NCOA2: variants seen among roughly 807,000 people sequenced by gnomAD.
NCOA2 encodes class E basic helix-loop-helix protein 75.
Under a neutral mutation model 145.1 loss-of-function variants are expected in NCOA2, and 21 were observed. The observed-to-expected ratio is 0.14, with a 90% CI of 0.10 to 0.21. The LOEUF is 0.21. NCOA2 is among the 10% of genes least tolerant of loss of function. NCOA2 has a pLI of 1.00. For synonymous variants in NCOA2, 619 were observed against 637.5 expected (o/e 0.97, Z 0.44); for missense variants, 1,472 against 1,837.6 (o/e 0.80, Z 3.64).
At chr8:70,414,512 C>T in the NCOA2 span, among the ~76,000 whole-genome samples, 1 of 152,192 alleles carries the variant, frequency 6.6e-6, no homozygotes, top group Non-Finnish European at 1.5e-5. Context: ...GACAGAGCAA[C>T]CACATTACCC....
intron 15 of NCOA2, among the ~76,000 whole-genome samples, chr8:70,134,444 A>AT (rs1809507285): frequency 6.6e-6 from 1 of 152,164 alleles, no homozygotes; most frequent in Admixed American, 6.5e-5. Flanking sequence ...GCATTAAAGG[A>AT]TTTTCTTTAC....
chr8:70,306,143 T>A (rs555271918), intron 1 of NCOA2, among the ~76,000 whole-genome samples: 7 of 152,158 alleles, frequency 4.6e-5, no homozygotes, highest in Non-Finnish European at 7.4e-5. Flanking sequence ...CTGGATCCTA[T>A]GGCAACAGTA....
chr8:70,170,037 T>C (rs1328765025), intron 6 of NCOA2, among the ~76,000 whole-genome samples, 165 bp downstream of exon 6: 1 of 152,100 alleles, frequency 6.6e-6, no homozygotes, highest in African/African-American at 2.4e-5. Flanking sequence ...TCCATGACTT[T>C]TAAGCTTAAA....
chr8:70,334,597 G>A (rs1353273075), intron 1 of NCOA2, among the ~76,000 whole-genome samples: 1 of 152,166 alleles, frequency 6.6e-6, no homozygotes, highest in Non-Finnish European at 1.5e-5. Context: ...ATTAGAGCAT[G>A]AAATTCTAAG....
chr8:70,156,172 T>A lies in NCOA2; in HGVS notation c.2193A>T (p.Lys731Asn). ...TCTTCTTGGGGCTCACCGGCTCTTG[T>A]TTAATAGTCACTTCTGATCCAGGAG... ...STAPGSEVTI[K>N]QEPVSPKKKE... Residue 731 changes from lysine to asparagine, a missense_variant, in exon 11 of 23, where the codon AAA (lysine) becomes AAT (asparagine). Lys to Asn is a moderately conservative substitution (Grantham distance 94). This residue lies in a region of NCOA2 where 953 missense variants were observed against 1,062.1 expected (regional missense o/e 0.90). Coordinates refer to ENST00000452400, the MANE Select transcript of NCOA2 (RefSeq NM_006540.4). 1 of 1,613,870 alleles carries A rather than the reference T, an allele frequency of 6.2e-7. No individual in the cohort carries two copies. Among genetic ancestry groups the A allele is most frequent in the Non-Finnish European group, 8.5e-7 (1 of 1,179,852 alleles).
intron 2 of NCOA2, among the ~76,000 whole-genome samples, chr8:70,221,454 T>C (rs1820127518): frequency 6.6e-6 from 1 of 152,122 alleles, no homozygotes. Context: ...AAAAGCAAAA[T>C]TTCTGGGCCA....
chr8:70,273,487 T>TA (rs1161979306), intron 2 of NCOA2: 2 of 642,018 alleles, frequency 3.1e-6, no homozygotes, highest in African/African-American at 1.8e-5. Flanking sequence ...CAGCAAATGA[T>TA]AAAAAACGTC....
At chr8:70,383,229 C>A (rs16936968) in intron 1 of NCOA2, among the ~76,000 whole-genome samples, 15,933 of 152,044 alleles carry the variant, frequency 0.1, 1,270 homozygotes, top group East Asian at 0.4. Context: ...GTGTTATCGC[C>A]TGTGTGAATG....
At chr8:70,201,940 G>C (rs747392323) in intron 4 of NCOA2, among the ~76,000 whole-genome samples, 1 of 151,978 alleles carries the variant, frequency 6.6e-6, no homozygotes, top group South Asian at 2.1e-4. Context: ...GAATCTCCCC[G>C]CTCCCATTTT....
At chr8:70,295,968 TAATA>T (rs923401909) in intron 2 of NCOA2, among the ~76,000 whole-genome samples, 1 of 152,152 alleles carries the variant, frequency 6.6e-6, no homozygotes, top group African/African-American at 2.4e-5. Context: ...GAAATAAGCT[TAATA>T]AACTATTTCT....
chr8:70,128,142 A>G (rs986407053), intron 18 of NCOA2, among the ~76,000 whole-genome samples: 1 of 152,216 alleles, frequency 6.6e-6, no homozygotes, highest in Non-Finnish European at 1.5e-5. Flanking sequence ...CAGGAACCCA[A>G]CCCTGTATTC....
chr8:70,322,714 G>C (rs1283692732), intron 1 of NCOA2, among the ~76,000 whole-genome samples: 2 of 152,092 alleles, frequency 1.3e-5, no homozygotes, highest in Non-Finnish European at 2.9e-5. Flanking sequence ...ACCTTGTTAA[G>C]TTTTTAACAG....
chr8:70,113,987 C>G (rs1379586208), intron 22 of NCOA2, among the ~76,000 whole-genome samples: 1 of 152,214 alleles, frequency 6.6e-6, no homozygotes, highest in Non-Finnish European at 1.5e-5. Flanking sequence ...ATAAAGATGA[C>G]AGAACAATTC....
intron 1 of NCOA2, among the ~76,000 whole-genome samples, chr8:70,400,031 G>C (rs1400247496): frequency 2.0e-5 from 3 of 152,082 alleles, no homozygotes; most frequent in Non-Finnish European, 4.4e-5. Flanking sequence ...TATAAATAAA[G>C]ACAACTAAGG....
At chr8:70,388,182 A>T (rs1465256966) in intron 1 of NCOA2, among the ~76,000 whole-genome samples, 1 of 152,228 alleles carries the variant, frequency 6.6e-6, no homozygotes, top group African/African-American at 2.4e-5. Flanking sequence ...GGAAGCAAAG[A>T]ATTTAAGGCT....
the NCOA2 span, among the ~76,000 whole-genome samples, chr8:70,449,843 T>A: frequency 6.6e-6 from 1 of 152,360 alleles, no homozygotes; most frequent in East Asian, 1.9e-4. Flanking sequence ...AAAGCATCGA[T>A]GTCAACCTTT....
At chr8:70,175,575 AT>A (rs1814739111) in intron 4 of NCOA2, among the ~76,000 whole-genome samples, 1 of 152,262 alleles carries the variant, frequency 6.6e-6, no homozygotes, top group East Asian at 1.9e-4. Context: ...CCCGGAAGAC[AT>A]TTCTTCATAG....
chr8:70,437,830 C>T, the NCOA2 span, among the ~76,000 whole-genome samples: 1 of 152,102 alleles, frequency 6.6e-6, no homozygotes, highest in South Asian at 2.1e-4. Flanking sequence ...TAGACATTTG[C>T]TCATGGATAT....
chr8:70,364,353 C>T (rs1211823316), intron 1 of NCOA2, among the ~76,000 whole-genome samples: 1 of 151,958 alleles, frequency 6.6e-6, no homozygotes, highest in Non-Finnish European at 1.5e-5. Context: ...ATGCAAAAAG[C>T]ATTAAAAAAA....
Sources: allele counts gnomAD v4.1 joint callset (sites outside exome capture counted in the v4.1 genomes callset), GRCh38; gene constraint gnomAD v4.1.1; regional missense constraint gnomAD v4.1.1; transcripts MANE v1.5; gene names NCBI Gene and HGNC (gene_info 2026-07-23, HGNC 2026-07-21).